The following RAP1GDS1 variants were observed in gnomAD, a reference collection of about 807,000 sequenced individuals.
RAP1GDS1 encodes the protein Rap1 GTPase-GDP dissociation stimulator 1, also known as RAP1, GTP-GDP dissociation stimulator 1.
RAP1GDS1 carries 35 observed loss-of-function variants against 71.1 expected under a neutral mutation model. The observed-to-expected ratio is 0.49, with a 90% CI of 0.38 to 0.65. The LOEUF is 0.65. RAP1GDS1 is among the 30% of genes least tolerant of loss of function. The pLI, the probability that RAP1GDS1 is intolerant of heterozygous loss-of-function variation, is 0.00. For missense variants in RAP1GDS1, 663 were observed against 706.1 expected, an observed-to-expected ratio of 0.94 and a Z score of 0.69; for synonymous variants, 229 against 243.1, an observed-to-expected ratio of 0.94 and a Z score of 0.54.
chr4:98,378,495 T>C (rs2110481815), intron 4 of RAP1GDS1, among the ~76,000 whole-genome samples: 1 of 152,104 alleles, frequency 6.6e-6, no homozygotes, highest in Non-Finnish European at 1.5e-5. Flanking sequence ...TTACCTATTA[T>C]GATTTAGAGT....
intron 14 of RAP1GDS1, among the ~76,000 whole-genome samples, chr4:98,439,679 C>G (rs1179955377): frequency 6.6e-6 from 1 of 152,114 alleles, no homozygotes; most frequent in Non-Finnish European, 1.5e-5. Flanking sequence ...GATTATTTCC[C>G]TTGTCCCCTC....
chr4:98,283,019 G>A (rs1044362203), intron 1 of RAP1GDS1, among the ~76,000 whole-genome samples: 5 of 151,798 alleles, frequency 3.3e-5, no homozygotes, highest in South Asian at 2.1e-4. Context: ...GGAATTGAAC[G>A]TTAAAAAAAA....
intron 2 of RAP1GDS1, among the ~76,000 whole-genome samples, chr4:98,319,667 G>A (rs1330235713): frequency 5.9e-5 from 9 of 151,372 alleles, no homozygotes. Context: ...TATAATCCCA[G>A]CTACTCGGGA....
chr4:98,305,693 TAA>T (rs1165331451), intron 2 of RAP1GDS1, among the ~76,000 whole-genome samples: 1 of 152,146 alleles, frequency 6.6e-6, no homozygotes, highest in Non-Finnish European at 1.5e-5. Flanking sequence ...CTGTACTTTA[TAA>T]AAGGCAAAAA....
At chr4:98,407,081 G>A (rs191192023) in intron 7 of RAP1GDS1, among the ~76,000 whole-genome samples, 1 of 152,052 alleles carries the variant, frequency 6.6e-6, no homozygotes, top group African/African-American at 2.4e-5. Context: ...TTAGGGGAAA[G>A]AAAATATAAA....
chr4:98,320,971 C>G (rs1245636899), intron 2 of RAP1GDS1, among the ~76,000 whole-genome samples: 1 of 124,378 alleles, frequency 8.0e-6, no homozygotes. Context: ...TCAAATTACT[C>G]TGAGCTACGG....
intron 5 of RAP1GDS1, among the ~76,000 whole-genome samples, chr4:98,381,646 A>G (rs1742039104): frequency 6.6e-6 from 1 of 151,550 alleles, no homozygotes; most frequent in Non-Finnish European, 1.5e-5. Context: ...TTCTTTTTAT[A>G]TGTATTTACT....
intron 4 of RAP1GDS1, among the ~76,000 whole-genome samples, chr4:98,376,725 T>C (rs1290731061): frequency 1.3e-5 from 2 of 152,056 alleles, no homozygotes; most frequent in Non-Finnish European, 2.9e-5. Flanking sequence ...AATACATGCT[T>C]TGCTTTTCTT....
At chr4:98,379,267 C>G in intron 5 of RAP1GDS1, 104 bp downstream of exon 5, 2 of 1,110,320 alleles carry the variant, frequency 1.8e-6, no homozygotes, top group Non-Finnish European at 2.4e-6. Flanking sequence ...ACAAAGAATT[C>G]GTAAGTGGCA....
At position 98,379,288 on chromosome 4, in the gene RAP1GDS1, ATAAT is replaced by A. The variant is rs1433410360; in HGVS notation, c.508+128_508+131del. On this transcript the variant is annotated intron_variant, in intron 5 of 14. Coordinates refer to ENST00000408927, the MANE Select transcript of RAP1GDS1 (RefSeq NM_001100427.2). ...AATTCGTAAGTGGCATATAAAATTA[ATAAT>A]TAGCCAACATTAAATTTCAATGTTT... is the stretch of plus-strand genomic sequence containing the variant. 9.2e-6 allele frequency: 9 copies of A among 979,938 alleles called. No homozygotes were observed. The African/African-American group carries it at 1.5e-4, about 17-fold the overall frequency. The allele number at this position is 979,938 out of a possible 1,614,324, so 60.7% of individuals were successfully genotyped here.
rs370477193 is a variant in RAP1GDS1, at chr4:98,343,151, G to A, written c.125G>A (p.Ser42Asn). ...GTATCTCTTTTAGATACGGAAACAA[G>A]TGAAAAAATCCAAGCAAGTGGAATA... Reference protein sequence around the residue: ...QALAQNNTETSEKIQASGILQ... With the variant: ...QALAQNNTETNEKIQASGILQ... The change falls in exon 3 of 15, where the codon AGT (serine) becomes AAT (asparagine). Residue 42 changes from serine to asparagine, a missense_variant. Ser to Asn is a conservative substitution (Grantham distance 46). Coordinates refer to ENST00000408927, the MANE Select transcript of RAP1GDS1 (RefSeq NM_001100427.2). The A allele has an allele frequency of 1.0e-4, 163 of 1,608,840 alleles. No individual in the cohort carries two copies. Among genetic ancestry groups the A allele is most frequent in the Non-Finnish European group, 1.3e-4 (155 of 1,176,964 alleles).
rs893295664 is a variant in RAP1GDS1, at chr4:98,297,383, A to G, written c.112+3868A>G. Among the ~76,000 whole-genome samples the G allele has an allele frequency of 2.0e-5, 3 of 152,076 alleles. No individual in the cohort carries two copies. The South Asian group carries it at 6.2e-4, about 32-fold the overall frequency. ...CTTTATTGAGCTTCACAAATACTGT[A>G]TTTTTTACAAATTGAAGGTTTATGG... On this transcript the variant is annotated intron_variant, in intron 2 of 14. Coordinates refer to ENST00000408927, the MANE Select transcript of RAP1GDS1 (RefSeq NM_001100427.2).
rs190540713 is a variant in RAP1GDS1, at chr4:98,284,946, C to T, written c.5-8462C>T. Reference sequence around the variant, plus strand: ...CATGCCAGCTTCAGCCACTGAGTCACTCCCAGTCACCCCTAGCCTTTGAGA... The same window carrying T: ...CATGCCAGCTTCAGCCACTGAGTCATTCCCAGTCACCCCTAGCCTTTGAGA... On this transcript the variant is annotated intron_variant, in intron 1 of 14. Coordinates refer to ENST00000408927, the MANE Select transcript of RAP1GDS1 (RefSeq NM_001100427.2). Among the ~76,000 whole-genome samples, 511 of 152,278 alleles carry T rather than the reference C, an allele frequency of 3.4e-3. 3 individuals are homozygous for T. The highest frequency in any genetic ancestry group is 6.8e-3 in the Middle Eastern group (2 of 294).
chr4:98,372,020 T>A (rs762248789), intron 4 of RAP1GDS1, among the ~76,000 whole-genome samples: 5 of 152,184 alleles, frequency 3.3e-5, no homozygotes, highest in Non-Finnish European at 5.9e-5. Context: ...CCTAGTTGTT[T>A]CTTTTTTTCT....
chr4:98,285,071 G>A (rs1054098163), intron 1 of RAP1GDS1, among the ~76,000 whole-genome samples: 1 of 152,018 alleles, frequency 6.6e-6, no homozygotes, highest in African/African-American at 2.4e-5. Context: ...GTAATAAAAT[G>A]GCTTTTGTTT....
intron 2 of RAP1GDS1, among the ~76,000 whole-genome samples, chr4:98,294,808 C>T (rs1320795421): frequency 6.6e-6 from 1 of 152,042 alleles, no homozygotes; most frequent in South Asian, 2.1e-4. Context: ...AAGAACCACA[C>T]GATGACCTGA....
chr4:98,308,344 G>T (rs908952251), intron 2 of RAP1GDS1, among the ~76,000 whole-genome samples: 1 of 104,350 alleles, frequency 9.6e-6, no homozygotes, highest in Non-Finnish European at 1.9e-5. Flanking sequence ...CGCCAGGCAT[G>T]GTGGTGTGTC....
chr4:98,340,142 C>T (rs1227362193), intron 2 of RAP1GDS1, among the ~76,000 whole-genome samples: 5 of 151,292 alleles, frequency 3.3e-5, no homozygotes, highest in South Asian at 2.1e-4. Context: ...GAACTTAAAA[C>T]AGAACTACCA....
chr4:98,341,520 G>A (rs1219341068), intron 2 of RAP1GDS1, among the ~76,000 whole-genome samples: 2 of 152,088 alleles, frequency 1.3e-5, no homozygotes, highest in Non-Finnish European at 2.9e-5. Flanking sequence ...CAAATGCTTC[G>A]GCTTCATATC....
Sources: gnomAD v4.1 joint callset for allele counts (sites outside exome capture counted in the v4.1 genomes callset) on GRCh38, gnomAD v4.1.1 for gene constraint, MANE v1.5 for transcripts, NCBI Gene and HGNC (gene_info 2026-07-23, HGNC 2026-07-21) for gene names.